Variants in SETD2 observed in about 807,000 individuals in gnomAD.
SETD2 encodes the protein SET domain containing 2, histone lysine methyltransferase, also known as histone-lysine N-methyltransferase SETD2.
SETD2 carries 31 observed loss-of-function variants against 242.1 expected under a neutral mutation model. The observed-to-expected ratio is 0.13, with a 90% CI of 0.10 to 0.17. The LOEUF is 0.17. Ranked by LOEUF, SETD2 falls within the 10% of genes least tolerant of loss-of-function variation. SETD2 has a pLI of 1.00. For missense variants in SETD2, 2,481 were observed against 3,046.3 expected (o/e 0.81, Z 4.37); for synonymous variants, 1,006 against 1,066.5 (o/e 0.94, Z 1.11).
intron 17 of SETD2, among the ~76,000 whole-genome samples, 175 bp downstream of exon 17, chr3:47,042,386 A>T (rs2039319632): frequency 6.6e-6 from 1 of 152,194 alleles, no homozygotes; most frequent in South Asian, 2.1e-4. Flanking sequence ...ATACAAAAAG[A>T]ACCAAAGTCT....
intron 12 of SETD2, among the ~76,000 whole-genome samples, chr3:47,076,522 T>C (rs1241743759): frequency 6.6e-6 from 1 of 152,180 alleles, no homozygotes; most frequent in Non-Finnish European, 1.5e-5. Context: ...TAATAACCAT[T>C]ACTGCCAAGA....
intron 17 of SETD2, among the ~76,000 whole-genome samples, chr3:47,039,512 C>G (rs1329473314): frequency 2.0e-5 from 3 of 151,664 alleles, no homozygotes; most frequent in Admixed American, 6.6e-5. Flanking sequence ...CATGTCCGGC[C>G]CAAACTTTTT....
chr3:47,064,888 T>C (rs189562668), intron 13 of SETD2, among the ~76,000 whole-genome samples: 5 of 151,632 alleles, frequency 3.3e-5, no homozygotes, highest in Admixed American at 2.0e-4. Flanking sequence ...GGGTTCTACA[T>C]GTGAAAGAGA....
intron 10 of SETD2, 111 bp downstream of exon 10, chr3:47,088,002 A>C (rs999381409): frequency 9.0e-7 from 1 of 1,105,640 alleles, no homozygotes; most frequent in African/African-American, 1.6e-5. Context: ...CAAATAAATA[A>C]ATAAATAAAA....
intron 9 of SETD2, among the ~76,000 whole-genome samples, chr3:47,089,871 G>A (rs767388474): frequency 2.6e-5 from 4 of 152,104 alleles, no homozygotes; most frequent in Admixed American, 1.3e-4. Flanking sequence ...GTGAACAAAG[G>A]AAAATAAGAA....
intron 9 of SETD2, 85 bp downstream of exon 9, chr3:47,097,870 T>G: frequency 7.4e-7 from 1 of 1,354,528 alleles, no homozygotes; most frequent in Non-Finnish European, 1.0e-6. Flanking sequence ...GTGGCAGTAG[T>G]ATGACTTTAT....
intron 1 of SETD2, among the ~76,000 whole-genome samples, chr3:47,133,314 A>G (rs1406096409): frequency 6.6e-6 from 1 of 152,320 alleles, no homozygotes; most frequent in Non-Finnish European, 1.5e-5. Context: ...TTAGCCTCCC[A>G]AAGTGCTGGG....
Position 47,088,102 on chromosome 3 carries a change from A to G in SETD2, c.5277+11T>C, listed in dbSNP as rs910032781. The G allele has an allele frequency of 4.4e-6, 7 of 1,600,680 alleles. No homozygotes were observed. The highest frequency in any genetic ancestry group is 1.3e-5 in the African/African-American group (1 of 74,330). On this transcript the variant is annotated intron_variant, in intron 10 of 20. Coordinates refer to ENST00000409792, the MANE Select transcript of SETD2 (RefSeq NM_014159.7). ...AAACCAGAAATAAAAAACAAACATT[A>G]AAGTGTTCACCTGTATGAGTTCCAG...
chr3:47,088,522 T>G (rs1420485180), intron 9 of SETD2, among the ~76,000 whole-genome samples: 1 of 152,082 alleles, frequency 6.6e-6, no homozygotes, highest in Non-Finnish European at 1.5e-5. Flanking sequence ...TAATTCTAGG[T>G]GGAGATCTGC....
intron 12 of SETD2, among the ~76,000 whole-genome samples, chr3:47,067,730 T>A (rs534624077): frequency 2.2e-4 from 34 of 152,118 alleles, no homozygotes; most frequent in Non-Finnish European, 4.3e-4. Context: ...AATTCTAATG[T>A]GCACTTGCCA....
intron 5 of SETD2, among the ~76,000 whole-genome samples, chr3:47,110,454 G>A (rs1043369668): frequency 2.6e-5 from 4 of 152,112 alleles, no homozygotes; most frequent in Admixed American, 2.6e-4. Flanking sequence ...AACCCTATCT[G>A]GTATCCAATT....
intron 13 of SETD2, among the ~76,000 whole-genome samples, chr3:47,066,564 G>T (rs1388208453): frequency 6.6e-6 from 1 of 152,032 alleles, no homozygotes; most frequent in African/African-American, 2.4e-5. Flanking sequence ...TCCCAGGCTG[G>T]TCTCAAACTC....
intron 1 of SETD2, among the ~76,000 whole-genome samples, chr3:47,160,879 T>TGG (rs1697469640): frequency 6.6e-6 from 1 of 152,192 alleles, no homozygotes; most frequent in African/African-American, 2.4e-5. Flanking sequence ...ACTGCACAGA[T>TGG]ACTCAAGTGA....
At chr3:47,022,717 GGC>G (rs2038287528) in intron 18 of SETD2, among the ~76,000 whole-genome samples, 1 of 152,222 alleles carries the variant, frequency 6.6e-6, no homozygotes, top group Non-Finnish European at 1.5e-5. Context: ...GAAATGAGCA[GGC>G]AAAGGGCCTG....
intron 1 of SETD2, among the ~76,000 whole-genome samples, chr3:47,158,516 C>T (rs566320850): frequency 8.4e-4 from 128 of 152,260 alleles, no homozygotes; most frequent in African/African-American, 3.0e-3. Flanking sequence ...TATGATGATC[C>T]ACTTCCACTT....
intron 1 of SETD2, among the ~76,000 whole-genome samples, chr3:47,132,553 T>G (rs1452136873): frequency 6.6e-6 from 1 of 152,156 alleles, no homozygotes; most frequent in East Asian, 1.9e-4. Flanking sequence ...CAAAAATGTT[T>G]AAGAATCTGG....
Position 47,120,851 on chromosome 3 carries a change from A to G in SETD2, c.3785T>C (p.Phe1262Ser), listed in dbSNP as rs1288288362. The change falls in exon 3 of 21, where the codon TTC becomes TCC. Residue 1262 changes from phenylalanine to serine, a missense_variant. Coordinates refer to ENST00000409792, the MANE Select transcript of SETD2 (RefSeq NM_014159.7). ...SEELRNLGWDFSQEKPSTTYQ... is the reference protein window; with the variant it reads ...SEELRNLGWDSSQEKPSTTYQ... ...CGTGGTAGAAGGCTTTTCTTGAGAG[A>G]AGTCCCAACCTAAGTTTCTGAGCTC... The G allele has an allele frequency of 2.5e-6, 4 of 1,614,218 alleles. No individual in the cohort carries two copies. In the Admixed American group the frequency reaches 6.7e-5, roughly 27 times the overall value.
rs757184844 is a variant in SETD2, at chr3:47,122,460, T to C, written c.2176A>G (p.Arg726Gly). Residue 726 changes from arginine (R) to glycine (G), a missense_variant, in exon 3 of 21, where the codon AGG becomes GGG. By Grantham distance (125) the Arg-to-Gly change is moderately radical. Transcript: ENST00000409792. ...LSSNGFQNISRCKEKDLDDTC... is the reference protein window; with the variant it reads ...LSSNGFQNISGCKEKDLDDTC... ...TCATCCAAGTCTTTTTCTTTGCACC[T>C]ACTAATATTCTGAAATCCATTTGAT... is the stretch of plus-strand genomic sequence containing the variant. 5.0e-6 allele frequency: 8 copies of C among 1,614,180 alleles called. No individual in the cohort carries two copies. The highest frequency in any genetic ancestry group is 2.2e-5 in the South Asian group (2 of 91,082).
intron 15 of SETD2, among the ~76,000 whole-genome samples, chr3:47,056,571 G>A (rs2040090735): frequency 6.6e-6 from 1 of 152,144 alleles, no homozygotes; most frequent in Non-Finnish European, 1.5e-5. Flanking sequence ...CTGCAGCCAT[G>A]GCCAACAGCT....
Sources: gnomAD v4.1 joint callset for allele counts (sites outside exome capture counted in the v4.1 genomes callset) on GRCh38, gnomAD v4.1.1 for gene constraint, MANE v1.5 for transcripts, NCBI Gene and HGNC (gene_info 2026-07-23, HGNC 2026-07-21) for gene names.